The following NPAS3 variants were observed in gnomAD, a reference collection of about 807,000 sequenced individuals.
The protein encoded by NPAS3 is neuronal PAS domain-containing protein 3.
Under a neutral mutation model 73.1 loss-of-function variants are expected in NPAS3, and 14 were observed. That is an observed-to-expected ratio of 0.19 (90% CI 0.13 to 0.30). NPAS3 has a LOEUF of 0.30. NPAS3 is among the 10% of genes least tolerant of loss of function. The pLI is 1.00. For missense variants in NPAS3, 1,096 were observed against 1,250.0 expected, an observed-to-expected ratio of 0.88 and a Z score of 1.86; for synonymous variants, 620 against 541.5, an observed-to-expected ratio of 1.14 and a Z score of -2.01.
intron 4 of NPAS3, among the ~76,000 whole-genome samples, chr14:33,462,425 T>G (rs1352999414): frequency 2.0e-5 from 3 of 152,080 alleles, no homozygotes; most frequent in Non-Finnish European, 4.4e-5. Flanking sequence ...GAGCTGTGAG[T>G]GGAAATGACA....
At chr14:33,034,133 G>A (rs564768312) in intron 1 of NPAS3, among the ~76,000 whole-genome samples, 2 of 151,696 alleles carry the variant, frequency 1.3e-5, no homozygotes, top group African/African-American at 2.4e-5. Context: ...TGGGGTTAAT[G>A]GTTATTTCTT....
intron 4 of NPAS3, among the ~76,000 whole-genome samples, chr14:33,383,208 T>A (rs1341210750): frequency 1.3e-5 from 2 of 152,212 alleles, no homozygotes; most frequent in African/African-American, 4.8e-5. Flanking sequence ...CCTGTTAGAT[T>A]GTAAGCAACT....
At chr14:33,071,951 T>C (rs905327192) in intron 2 of NPAS3, among the ~76,000 whole-genome samples, 1 of 152,116 alleles carries the variant, frequency 6.6e-6, no homozygotes, top group Non-Finnish European at 1.5e-5. Context: ...AGGGCATTGG[T>C]GCAACCTCAG....
chr14:32,997,613 C>T (rs1255172593), intron 1 of NPAS3, among the ~76,000 whole-genome samples: 8 of 152,014 alleles, frequency 5.3e-5, no homozygotes, highest in Admixed American at 4.6e-4. Flanking sequence ...CTCTCTTTTC[C>T]TGCTGCCATC....
intron 7 of NPAS3, among the ~76,000 whole-genome samples, chr14:33,746,199 A>ATTTATTTCTTTT (rs571026434): frequency 6.7e-6 from 1 of 148,934 alleles, no homozygotes; most frequent in African/African-American, 2.5e-5. Flanking sequence ...TTATTTATTT[A>ATTTATTTCTTTT]TTTTTTTGAG....
intron 3 of NPAS3, among the ~76,000 whole-genome samples, chr14:33,227,950 T>C (rs951348728): frequency 6.6e-6 from 1 of 152,172 alleles, no homozygotes; most frequent in African/African-American, 2.4e-5. Context: ...GTTCAAATCT[T>C]TGGGACTGTG....
At chr14:33,020,438 G>C (rs1370430457) in intron 1 of NPAS3, among the ~76,000 whole-genome samples, 1 of 152,152 alleles carries the variant, frequency 6.6e-6, no homozygotes, top group Admixed American at 6.5e-5. Context: ...AGTACCCAGA[G>C]TAATGCAGGG....
intron 3 of NPAS3, among the ~76,000 whole-genome samples, chr14:33,324,667 T>G (rs1212816283): frequency 6.6e-6 from 1 of 152,218 alleles, no homozygotes; most frequent in Non-Finnish European, 1.5e-5. Flanking sequence ...TTACTTTTGA[T>G]AGTTAATTAT....
intron 1 of NPAS3, among the ~76,000 whole-genome samples, chr14:32,964,160 T>TAAAAAAA (rs34380538): frequency 8.0e-5 from 6 of 75,440 alleles, no homozygotes; most frequent in East Asian, 9.9e-4. Context: ...TTTGCTGCAC[T>TAAAAAAA]AAAAAAAAAA....
At chr14:33,455,771 G>C (rs909337155) in intron 4 of NPAS3, among the ~76,000 whole-genome samples, 1 of 152,202 alleles carries the variant, frequency 6.6e-6, no homozygotes, top group South Asian at 2.1e-4. Context: ...TGATTAAACA[G>C]GATGTTAACG....
At chr14:33,334,689 T>A (rs1327998226) in intron 3 of NPAS3, among the ~76,000 whole-genome samples, 1 of 149,480 alleles carries the variant, frequency 6.7e-6, no homozygotes. Flanking sequence ...TTACAAAATT[T>A]TAATTTTAAT....
chr14:33,469,718 C>T (rs2050697046), intron 4 of NPAS3, among the ~76,000 whole-genome samples: 2 of 152,110 alleles, frequency 1.3e-5, no homozygotes, highest in African/African-American at 4.8e-5. Flanking sequence ...CTGTTCTGAA[C>T]ACTCTCTTCT....
intron 4 of NPAS3, among the ~76,000 whole-genome samples, chr14:33,514,478 G>A (rs754219492): frequency 9.9e-5 from 15 of 151,994 alleles, no homozygotes; most frequent in Middle Eastern, 3.2e-3. Flanking sequence ...AATTGGTTGC[G>A]TTGCTTCCCT....
intron 4 of NPAS3, among the ~76,000 whole-genome samples, chr14:33,368,564 C>T (rs527831207): frequency 4.6e-5 from 7 of 152,090 alleles, no homozygotes; most frequent in Non-Finnish European, 7.4e-5. Flanking sequence ...AGTTTAAAGC[C>T]CTGAGAAGTC....
chr14:33,481,385 T>C (rs1179778778), intron 4 of NPAS3, among the ~76,000 whole-genome samples: 3 of 152,070 alleles, frequency 2.0e-5, no homozygotes, highest in Non-Finnish European at 4.4e-5. Flanking sequence ...AGACACAGAG[T>C]AAATTAAGTG....
intron 1 of NPAS3, among the ~76,000 whole-genome samples, chr14:33,003,352 G>T (rs1312248254): frequency 6.6e-6 from 1 of 151,796 alleles, no homozygotes; most frequent in Non-Finnish European, 1.5e-5. Flanking sequence ...TTAGCTACAA[G>T]TTTATCAATT....
At chr14:33,684,438 A>T (rs2383523) in intron 6 of NPAS3, among the ~76,000 whole-genome samples, 1 of 151,860 alleles carries the variant, frequency 6.6e-6, no homozygotes, top group Admixed American at 6.6e-5. Flanking sequence ...CAGCCTTCCA[A>T]GTAGCTGGGA....
chr14:33,332,103 A>C (rs2044011907), intron 3 of NPAS3, among the ~76,000 whole-genome samples: 1 of 152,228 alleles, frequency 6.6e-6, no homozygotes, highest in Non-Finnish European at 1.5e-5. Flanking sequence ...TTCAGGGAGC[A>C]AGCCTCCCCA....
chr14:33,042,317 G>A (rs1206445448), intron 1 of NPAS3, among the ~76,000 whole-genome samples: 2 of 152,148 alleles, frequency 1.3e-5, no homozygotes, highest in Non-Finnish European at 2.9e-5. Context: ...TGGTGAAATG[G>A]ATGTTTGTTT....
Sources: gnomAD v4.1 joint callset for allele counts (sites outside exome capture counted in the v4.1 genomes callset) on GRCh38, gnomAD v4.1.1 for gene constraint, MANE v1.5 for transcripts, NCBI Gene and HGNC (gene_info 2026-07-23, HGNC 2026-07-21) for gene names.